PDGFC: variants seen among roughly 807,000 people sequenced by gnomAD.
The protein encoded by PDGFC is platelet-derived growth factor C.
PDGFC carries 12 observed loss-of-function variants against 35.5 expected under a neutral mutation model. That is an observed-to-expected ratio of 0.34 (90% CI 0.22 to 0.55). The LOEUF (loss-of-function observed/expected upper bound fraction) is 0.55. PDGFC is among the 20% of genes least tolerant of loss of function. The pLI is 0.91. For missense variants in PDGFC, 322 were observed against 412.4 expected (o/e 0.78, Z 1.90); for synonymous variants, 159 against 148.8 (o/e 1.07, Z -0.50).
At chr4:156,886,955 A>G (rs983027173) in intron 1 of PDGFC, 3 of 152,148 alleles carry the variant, frequency 2.0e-5, no homozygotes, top group Non-Finnish European at 4.4e-5. Flanking sequence ...TTAAGCTATG[A>G]TTTGTGTCTT....
chr4:156,856,515 T>C (rs909289768), intron 1 of PDGFC, among the ~76,000 whole-genome samples: 3 of 152,120 alleles, frequency 2.0e-5, no homozygotes, highest in African/African-American at 7.2e-5. Flanking sequence ...CAATAGCTGA[T>C]TCCTGGTGTA....
chr4:156,786,025 G>A (rs1358906153), intron 3 of PDGFC, among the ~76,000 whole-genome samples: 1 of 152,074 alleles, frequency 6.6e-6, no homozygotes, highest in Non-Finnish European at 1.5e-5. Context: ...GCTGATTTCA[G>A]ATACGGTACT....
chr4:156,933,946 T>C (rs539979277), intron 1 of PDGFC, among the ~76,000 whole-genome samples: 1 of 152,306 alleles, frequency 6.6e-6, no homozygotes, highest in East Asian at 1.9e-4. Flanking sequence ...TAAATCTCCC[T>C]CCTTTATAAA....
At position 156,826,182 on chromosome 4, in the gene PDGFC, T is replaced by A. The variant is rs1422821233; in HGVS notation, c.315-15165A>T. 4.2e-5 allele frequency among the ~76,000 whole-genome samples: 4 copies of A among 95,530 alleles called. No individual in the cohort carries two copies. In the East Asian group the frequency reaches 9.8e-4, roughly 24 times the overall value. 62.7% of individuals were successfully genotyped at this position (95,530 alleles called of 152,430 possible). ...ATCCAGCTTTGAGTTGGATTTTTTT[T>A]TTTTTTTTTTTTTTTTTTTTTTTTT... is the stretch of plus-strand genomic sequence containing the variant. On this transcript the variant is annotated intron_variant, in intron 2 of 5. Coordinates refer to ENST00000502773, the MANE Select transcript of PDGFC (RefSeq NM_016205.3).
At chr4:156,951,593 T>C (rs922982842) in intron 1 of PDGFC, among the ~76,000 whole-genome samples, 1 of 151,658 alleles carries the variant, frequency 6.6e-6, no homozygotes, top group African/African-American at 2.4e-5. Context: ...ACAATTCAAA[T>C]GGTGTATGAC....
chr4:156,793,740 A>G (rs1052275747), intron 3 of PDGFC, among the ~76,000 whole-genome samples: 3 of 151,818 alleles, frequency 2.0e-5, no homozygotes, highest in African/African-American at 7.3e-5. Flanking sequence ...CTTGTTGACT[A>G]CCACATGCTA....
rs141298313 is a variant in PDGFC, at chr4:156,856,793, T to C, written c.119-6377A>G. The stretch of plus-strand genomic sequence containing the variant: ...TAAAGATAATATGATTTACAATTTA[T>C]AGACCCTAATAAAGTCCCTTAGTTT... On this transcript the variant is annotated intron_variant, in intron 1 of 5. Transcript: ENST00000502773. Among the ~76,000 whole-genome samples, 12 of 152,262 alleles carry C rather than the reference T, an allele frequency of 7.9e-5. No individual in the cohort carries two copies. The East Asian group carries it at 9.6e-4, about 12-fold the overall frequency.
At chr4:156,953,574 C>T (rs373880380) in intron 1 of PDGFC, among the ~76,000 whole-genome samples, 14 of 151,948 alleles carry the variant, frequency 9.2e-5, no homozygotes, top group Middle Eastern at 3.4e-3. Context: ...GATGTACTCT[C>T]AATAGTGGTT....
At chr4:156,854,957 T>G (rs983211597) in intron 1 of PDGFC, among the ~76,000 whole-genome samples, 2 of 152,136 alleles carry the variant, frequency 1.3e-5, no homozygotes, top group Middle Eastern at 3.5e-3. Flanking sequence ...ATTTTAAAAA[T>G]TATAGACAAT....
intron 2 of PDGFC, among the ~76,000 whole-genome samples, chr4:156,831,977 T>G (rs1728947159): frequency 6.6e-6 from 1 of 152,176 alleles, no homozygotes; most frequent in South Asian, 2.1e-4. Context: ...AATTCCATGG[T>G]CTATTTATTA....
chr4:156,823,075 T>C (rs936380949), intron 2 of PDGFC, among the ~76,000 whole-genome samples: 4 of 152,000 alleles, frequency 2.6e-5, no homozygotes, highest in African/African-American at 9.7e-5. Flanking sequence ...CTTCTCTAGC[T>C]AAACAGGACA....
chr4:156,908,134 C>T (rs1047022724), intron 1 of PDGFC, among the ~76,000 whole-genome samples: 2 of 152,216 alleles, frequency 1.3e-5, no homozygotes, highest in South Asian at 2.1e-4. Context: ...CCACTGCACT[C>T]CAGCCTGGGC....
chr4:156,771,687 A>G (rs900421857), intron 4 of PDGFC, among the ~76,000 whole-genome samples: 7 of 152,194 alleles, frequency 4.6e-5, no homozygotes, highest in Middle Eastern at 3.2e-3. Flanking sequence ...AGGAAAGGGC[A>G]GGAATCGGGT....
chr4:156,906,597 TA>T (rs1730920556), intron 1 of PDGFC, among the ~76,000 whole-genome samples: 1 of 152,108 alleles, frequency 6.6e-6, no homozygotes, highest in African/African-American at 2.4e-5. Context: ...GGGACAGTTT[TA>T]AAAAAGATTT....
chr4:156,957,763 C>G (rs759173457), intron 1 of PDGFC, among the ~76,000 whole-genome samples: 1 of 151,964 alleles, frequency 6.6e-6, no homozygotes, highest in Non-Finnish European at 1.5e-5. Context: ...TACTCAAGCC[C>G]AAGTCATACA....
chr4:156,962,961 C>G (rs74850858), intron 1 of PDGFC, among the ~76,000 whole-genome samples: 1 of 152,156 alleles, frequency 6.6e-6, no homozygotes, highest in Non-Finnish European at 1.5e-5. Context: ...CCAGGTCCTT[C>G]CTGGCAGATC....
chr4:156,931,437 T>C (rs1298009990), intron 1 of PDGFC, among the ~76,000 whole-genome samples: 3 of 152,198 alleles, frequency 2.0e-5, no homozygotes, highest in Non-Finnish European at 4.4e-5. Flanking sequence ...CTTCGGTTAT[T>C]GCATGTGCTT....
intron 1 of PDGFC, among the ~76,000 whole-genome samples, chr4:156,875,887 A>C (rs1003383711): frequency 2.0e-5 from 3 of 151,982 alleles, no homozygotes; most frequent in Non-Finnish European, 2.9e-5. Flanking sequence ...TGTTGGGGGG[A>C]AAAAAAGTGA....
intron 2 of PDGFC, among the ~76,000 whole-genome samples, chr4:156,824,610 G>A (rs1732390963): frequency 6.6e-6 from 1 of 151,994 alleles, no homozygotes; most frequent in Non-Finnish European, 1.5e-5. Context: ...TGACTGATCA[G>A]TTCCTGACAT....
Sources: gnomAD v4.1 joint callset for allele counts (sites outside exome capture counted in the v4.1 genomes callset) on GRCh38, gnomAD v4.1.1 for gene constraint, MANE v1.5 for transcripts, NCBI Gene and HGNC (gene_info 2026-07-23, HGNC 2026-07-21) for gene names.